ALX4: variants seen among roughly 807,000 people sequenced by gnomAD.
ALX4 encodes homeobox protein aristaless-like 4.
Under a neutral mutation model 40.6 loss-of-function variants are expected in ALX4, and 22 were observed. The observed-to-expected ratio is 0.54, with a 90% CI of 0.39 to 0.77. The LOEUF (loss-of-function observed/expected upper bound fraction) is 0.77, where lower values mean the gene tolerates loss of function less well. Ranked by LOEUF, ALX4 falls within the 30% of genes least tolerant of loss-of-function variation. The pLI, the probability that ALX4 is intolerant of heterozygous loss-of-function variation, is 0.00. For synonymous variants in ALX4, 266 were observed against 240.5 expected (o/e 1.11, Z -0.98); for missense variants, 556 against 564.8 (o/e 0.98, Z 0.16).
At chr11:44,309,458 C>A (rs1402367257) in intron 1 of ALX4, 139 bp downstream of exon 1, 1 of 1,457,642 alleles carries the variant, frequency 6.9e-7, no homozygotes. Flanking sequence ...TCGCAGCGAT[C>A]GATCCCGTTT....
At chr11:44,274,335 G>T (rs777137609) in intron 2 of ALX4, among the ~76,000 whole-genome samples, 2 of 151,944 alleles carry the variant, frequency 1.3e-5, no homozygotes, top group African/African-American at 4.8e-5. Context: ...TGTTATATTG[G>T]GTTGTGTTGT....
At chr11:44,280,123 TGCCA>T (rs1956300783) in intron 1 of ALX4, among the ~76,000 whole-genome samples, 1 of 152,124 alleles carries the variant, frequency 6.6e-6, no homozygotes, top group Non-Finnish European at 1.5e-5. Flanking sequence ...CAATGACGAA[TGCCA>T]CCATTCAAGG....
intron 1 of ALX4, among the ~76,000 whole-genome samples, chr11:44,292,631 C>A (rs2119856623): frequency 6.6e-6 from 1 of 152,182 alleles, no homozygotes; most frequent in Admixed American, 6.5e-5. Flanking sequence ...AAATAGTTAA[C>A]AATTCAAAAT....
intron 1 of ALX4, among the ~76,000 whole-genome samples, chr11:44,307,322 G>T (rs1180370048): frequency 2.0e-5 from 3 of 152,230 alleles, no homozygotes; most frequent in Non-Finnish European, 4.4e-5. Context: ...AGGTCACACT[G>T]CCACGGGTTA....
intron 1 of ALX4, among the ~76,000 whole-genome samples, chr11:44,288,778 G>T (rs1192023346): frequency 6.6e-6 from 1 of 152,178 alleles, no homozygotes; most frequent in African/African-American, 2.4e-5. Context: ...AGTTTAAAAA[G>T]TACTTTAATT....
At position 44,265,123 on chromosome 11, in the gene ALX4, C is replaced by A; in HGVS notation, c.967G>T (p.Val323Phe). The part of the protein sequence containing the change: ...GAASPVPACV[V>F]PCDPVPACMS... ...CAGGCAGGCACCGGGTCGCAGGGGA[C>A]CACGCAGGCTGGCACTGGTGAGGCA... Residue 323 changes from valine (V) to phenylalanine (F), a missense_variant, in exon 4 of 4, where the codon GTC becomes TTC. Val to Phe is a conservative substitution (Grantham distance 50). Coordinates refer to ENST00000652299, the MANE Select transcript of ALX4 (RefSeq NM_021926.4). The A allele has an allele frequency of 1.2e-6, 2 of 1,611,256 alleles. No individual in the cohort carries two copies. Among genetic ancestry groups the A allele is most frequent in the Non-Finnish European group, 1.7e-6 (2 of 1,178,852 alleles).
At chr11:44,278,901 C>T (rs944585625) in intron 1 of ALX4, among the ~76,000 whole-genome samples, 7 of 152,140 alleles carry the variant, frequency 4.6e-5, no homozygotes, top group Non-Finnish European at 8.8e-5. Context: ...CTCCTGGTTC[C>T]TCAAGGAAGA....
intron 1 of ALX4, among the ~76,000 whole-genome samples, chr11:44,297,255 T>G (rs1956408149): frequency 2.0e-5 from 3 of 152,210 alleles, no homozygotes; most frequent in African/African-American, 7.2e-5. Context: ...TTTTATGCTA[T>G]GTATATTTTA....
intron 1 of ALX4, among the ~76,000 whole-genome samples, chr11:44,296,934 G>A (rs11037944): frequency 0.45 from 67,200 of 150,494 alleles, 15,516 homozygotes; most frequent in Admixed American, 0.52. Context: ...GCTTGAACCC[G>A]GGAGGTGGAG....
At chr11:44,282,973 G>A (rs1956317938) in intron 1 of ALX4, among the ~76,000 whole-genome samples, 1 of 152,194 alleles carries the variant, frequency 6.6e-6, no homozygotes, top group South Asian at 2.1e-4. Flanking sequence ...GCTGGGCGTG[G>A]TGGCTTGCGC....
intron 3 of ALX4, among the ~76,000 whole-genome samples, chr11:44,266,284 C>A (rs191447372): frequency 1.3e-5 from 2 of 152,120 alleles, no homozygotes; most frequent in South Asian, 4.1e-4. Flanking sequence ...TCCAGCTGTG[C>A]GCTCAGGCAG....
intron 1 of ALX4, among the ~76,000 whole-genome samples, chr11:44,300,115 C>T (rs1278228437): frequency 6.6e-6 from 1 of 152,282 alleles, no homozygotes; most frequent in Non-Finnish European, 1.5e-5. Flanking sequence ...GACTCTTAAC[C>T]TTTGGCAGAC....
At chr11:44,283,247 C>CA (rs35704210) in intron 1 of ALX4, among the ~76,000 whole-genome samples, 5,404 of 100,098 alleles carry the variant, frequency 0.054, 316 homozygotes, top group African/African-American at 0.2. Flanking sequence ...AACTCCATCT[C>CA]AAAAAAAAAA....
In ALX4 at chr11:44,309,814, C is replaced by T. The variant is rs1466094971; in HGVS notation, c.249G>A (p.Ala83=). ...LATPLESGAG[A]RGSFNKFQPQ... ...GCTGGAACTTGTTAAAGGAGCCCCG[C>T]GCCCCAGCTCCACTCTCCAGGGGTG... is the stretch of plus-strand genomic sequence containing the variant. Residue 83 remains alanine (A), a synonymous_variant, in exon 1 of 4, where the codon GCG becomes GCA. Coordinates refer to ENST00000652299, the MANE Select transcript of ALX4 (RefSeq NM_021926.4). 1.9e-6 allele frequency: 3 copies of T among 1,552,148 alleles called. No homozygotes were observed. The highest frequency in any genetic ancestry group is 2.6e-6 in the Non-Finnish European group (3 of 1,147,738).
chr11:44,260,941 C>T lies in ALX4; in HGVS notation c.*3913G>A, dbSNP rs528449092. On this transcript the variant is annotated 3_prime_UTR_variant, in exon 4 of 4. Coordinates refer to ENST00000652299, the MANE Select transcript of ALX4 (RefSeq NM_021926.4). ...CAGATGATTAGACATTGAAAACTGTCCTTCAAAATCAGTAGTATAAAGGCC... is the reference window on the plus strand; with the variant it reads ...CAGATGATTAGACATTGAAAACTGTTCTTCAAAATCAGTAGTATAAAGGCC... 2.0e-5 allele frequency: 3 copies of T among 152,206 alleles called. No individual in the cohort carries two copies. Among genetic ancestry groups the T allele is most frequent in the Admixed American group, 2.0e-4 (3 of 15,284 alleles). 9.4% of individuals were successfully genotyped at this position (152,206 alleles called of 1,614,324 possible).
intron 2 of ALX4, among the ~76,000 whole-genome samples, chr11:44,274,424 T>G (rs1396587064): frequency 1.3e-5 from 2 of 152,004 alleles, no homozygotes; most frequent in African/African-American, 4.8e-5. Context: ...TATTGGGTTG[T>G]GTTGTGTTGG....
chr11:44,295,004 C>T (rs1363653000), intron 1 of ALX4, among the ~76,000 whole-genome samples: 1 of 152,082 alleles, frequency 6.6e-6, no homozygotes, highest in Non-Finnish European at 1.5e-5. Context: ...CGCCCACCAC[C>T]ACGCCCAGCT....
At chr11:44,290,542 C>G (rs1956363343) in intron 1 of ALX4, among the ~76,000 whole-genome samples, 1 of 152,206 alleles carries the variant, frequency 6.6e-6, no homozygotes, top group Admixed American at 6.5e-5. Flanking sequence ...GGCACCTAGC[C>G]CAGCCTTGGG....
At chr11:44,268,526 A>G (rs939128220) in intron 2 of ALX4, among the ~76,000 whole-genome samples, 3 of 152,192 alleles carry the variant, frequency 2.0e-5, no homozygotes, top group Non-Finnish European at 2.9e-5. Flanking sequence ...TTGGGAGCCC[A>G]ACGGGGGAGG....
Sources: allele counts gnomAD v4.1 joint callset (sites outside exome capture counted in the v4.1 genomes callset), GRCh38; gene constraint gnomAD v4.1.1; transcripts MANE v1.5; gene names NCBI Gene and HGNC (gene_info 2026-07-23, HGNC 2026-07-21).